Variants in TRMT11 observed in about 807,000 individuals in gnomAD.
TRMT11 encodes the protein tRNA (guanine(10)-N(2))-methyltransferase TRMT11.
In TRMT11, 53 loss-of-function variants were observed where a neutral mutation model predicts 62.8. That is an observed-to-expected ratio of 0.84 (90% CI 0.68 to 1.06). The LOEUF is 1.06. TRMT11 is among the 50% of genes least tolerant of loss of function. TRMT11 has a pLI of 0.00. For missense variants in TRMT11, 556 were observed against 553.4 expected (o/e 1.00, Z -0.05); for synonymous variants, 188 against 190.3 (o/e 0.99, Z 0.10).
chr6:126,268,109 T>A, the TRMT11 span, among the ~76,000 whole-genome samples: 2 of 152,188 alleles, frequency 1.3e-5, no homozygotes, highest in Non-Finnish European at 2.9e-5. Context: ...AGGCTAAAGT[T>A]CTTCCCTGTG....
downstream of TRMT11, among the ~76,000 whole-genome samples, chr6:126,207,720 A>G (rs376399294): frequency 3.7e-4 from 56 of 152,338 alleles, no homozygotes; most frequent in African/African-American, 1.2e-3. Context: ...AGAATTAATG[A>G]AGAACAACTG....
At chr6:126,156,932 A>G (rs184812566) in intron 21 of TRMT11, among the ~76,000 whole-genome samples, 1 of 152,296 alleles carries the variant, frequency 6.6e-6, no homozygotes, top group South Asian at 2.1e-4. Context: ...ATACACAGGC[A>G]TCTTCCTCAG....
the TRMT11 span, among the ~76,000 whole-genome samples, chr6:126,241,062 G>A: frequency 3.9e-5 from 6 of 152,328 alleles, no homozygotes; most frequent in East Asian, 3.9e-4. Flanking sequence ...TTGGAAAAGC[G>A]CAGTATTAGG....
intron 17 of TRMT11, among the ~76,000 whole-genome samples, chr6:126,102,011 A>T (rs1046055155): frequency 6.6e-6 from 1 of 152,224 alleles, no homozygotes; most frequent in African/African-American, 2.4e-5. Context: ...CATATGCCTC[A>T]TGTTTATAAA....
intron 7 of TRMT11, among the ~76,000 whole-genome samples, chr6:126,007,734 TCTTA>T (rs1216349124): frequency 4.6e-5 from 7 of 152,000 alleles, no homozygotes; most frequent in African/African-American, 1.4e-4. Flanking sequence ...GGACAGTTGT[TCTTA>T]CTTTGGTCAC....
intron 1 of TRMT11, among the ~76,000 whole-genome samples, chr6:126,189,535 G>T (rs1016048274): frequency 6.6e-6 from 1 of 151,948 alleles, no homozygotes; most frequent in African/African-American, 2.4e-5. Flanking sequence ...ATAGAAAATG[G>T]GAAAATTGTT....
chr6:126,139,373 A>T (rs1777888185), intron 21 of TRMT11, among the ~76,000 whole-genome samples: 1 of 151,968 alleles, frequency 6.6e-6, no homozygotes, highest in African/African-American at 2.4e-5. Flanking sequence ...ACAAATATAT[A>T]TAAATATTTT....
chr6:126,090,776 C>G (rs758192923), intron 17 of TRMT11, among the ~76,000 whole-genome samples: 14 of 152,158 alleles, frequency 9.2e-5, no homozygotes, highest in Admixed American at 2.6e-4. Context: ...GAGAGAGAAT[C>G]TCAATCCATA....
intron 17 of TRMT11, among the ~76,000 whole-genome samples, chr6:126,109,785 A>T (rs1210909143): frequency 6.6e-6 from 1 of 152,196 alleles, no homozygotes; most frequent in East Asian, 1.9e-4. Context: ...GTCATCTATT[A>T]GTATTATTAG....
intron 17 of TRMT11, among the ~76,000 whole-genome samples, chr6:126,060,563 G>A (rs941693010): frequency 1.3e-5 from 2 of 152,278 alleles, no homozygotes; most frequent in African/African-American, 2.4e-5. Context: ...CACTCAGTGC[G>A]TATGTGACAC....
chr6:126,184,694 G>A (rs542216259), intron 1 of TRMT11, among the ~76,000 whole-genome samples: 4 of 152,238 alleles, frequency 2.6e-5, no homozygotes, highest in African/African-American at 9.6e-5. Flanking sequence ...TCAACTGAAG[G>A]AAAGTAGCTG....
At position 126,145,482 on chromosome 6, in the gene TRMT11, C is replaced by G. The variant is rs188399106; in HGVS notation, c.*1824-29343C>G. The stretch of plus-strand genomic sequence containing the variant: ...CTATGGGATATTTACAGCCAACTTT[C>G]CATTTAGCGCCAGGCACCCAGTGGA... On this transcript the variant is annotated intron_variant and NMD_transcript_variant, in intron 21 of 22. Transcript: ENST00000648977. Among the ~76,000 whole-genome samples the G allele has an allele frequency of 3.9e-3, 594 of 152,232 alleles. 5 individuals carry two copies. Among genetic ancestry groups the G allele is most frequent in the Middle Eastern group, 3.4e-3 (1 of 294 alleles).
At chr6:126,078,567 G>T (rs576548032) in intron 17 of TRMT11, among the ~76,000 whole-genome samples, 3 of 152,044 alleles carry the variant, frequency 2.0e-5, no homozygotes, top group African/African-American at 7.2e-5. Flanking sequence ...TCCTTACTGC[G>T]CATTTGTCAT....
At chr6:126,008,183 A>G (rs1201728858) in intron 7 of TRMT11, among the ~76,000 whole-genome samples, 1 of 152,072 alleles carries the variant, frequency 6.6e-6, no homozygotes, top group Non-Finnish European at 1.5e-5. Context: ...GCCAGGGTAT[A>G]CATTAATTTC....
At chr6:126,158,105 A>T (rs1411597239) in intron 21 of TRMT11, among the ~76,000 whole-genome samples, 1 of 152,180 alleles carries the variant, frequency 6.6e-6, no homozygotes, top group Non-Finnish European at 1.5e-5. Context: ...ATTTTTGATA[A>T]TCACTTCCTT....
rs1404603868 is a variant in TRMT11, at chr6:125,998,136, T to C, written c.294+2T>C. On this transcript the variant is annotated splice_donor_variant, in intron 4 of 12. Coordinates refer to ENST00000334379, the MANE Select transcript of TRMT11 (RefSeq NM_001031712.3). LOFTEE classifies it high-confidence loss of function. ...AAAAACTACCCTGTGGAGAAGATGG[T>C]GCGTAGTAAAATGTGGTTTTATATA... 1 of 1,612,866 alleles carries C rather than the reference T, an allele frequency of 6.2e-7. No individual in the cohort carries two copies. The highest frequency in any genetic ancestry group is 8.5e-7 in the Non-Finnish European group (1 of 1,178,900).
At chr6:125,995,820 G>A in intron 2 of TRMT11, 147 bp from the exon 3 acceptor site, 1 of 613,042 alleles carries the variant, frequency 1.6e-6, no homozygotes, top group Admixed American at 3.2e-5. Context: ...TTTACTATTG[G>A]AACGATTTTT....
intron 17 of TRMT11, among the ~76,000 whole-genome samples, chr6:126,092,093 G>A (rs1198709665): frequency 6.6e-6 from 1 of 152,180 alleles, no homozygotes; most frequent in Non-Finnish European, 1.5e-5. Context: ...AGTTAAGGTA[G>A]TTATTCAGAT....
chr6:126,227,357 G>A, the TRMT11 span, among the ~76,000 whole-genome samples: 1 of 152,186 alleles, frequency 6.6e-6, no homozygotes. Context: ...CAATACCTTG[G>A]TATTCCAGGA....
Sources: gnomAD v4.1 joint callset for allele counts (sites outside exome capture counted in the v4.1 genomes callset) on GRCh38, gnomAD v4.1.1 for gene constraint, MANE v1.5 for transcripts, NCBI Gene and HGNC (gene_info 2026-07-23, HGNC 2026-07-21) for gene names.